Variants in DBH observed in about 807,000 individuals in gnomAD.
DBH encodes the protein dopamine beta-hydroxylase.
A neutral mutation model predicts 64.0 loss-of-function variants in DBH; 49 were observed. That is an observed-to-expected ratio of 0.77 (90% CI 0.61 to 0.97). The LOEUF (loss-of-function observed/expected upper bound fraction) is 0.97. Ranked by LOEUF, DBH falls within the 50% of genes least tolerant of loss-of-function variation. DBH has a pLI of 0.00. For synonymous variants in DBH, 343 were observed against 347.1 expected (o/e 0.99, Z 0.13); for missense variants, 828 against 826.6 (o/e 1.00, Z -0.02).
At chr9:133,654,620 G>A (rs982039973) in intron 9 of DBH, 1 of 152,240 alleles carries the variant, frequency 6.6e-6, no homozygotes, top group African/African-American at 2.4e-5. Flanking sequence ...TCTAGAGGAG[G>A]TGCTCAGTAT....
At chr9:133,638,497 G>A (rs1832077662) in intron 1 of DBH, among the ~76,000 whole-genome samples, 1 of 152,208 alleles carries the variant, frequency 6.6e-6, no homozygotes, top group Admixed American at 6.5e-5. Context: ...AGGCCAGGCA[G>A]GGCAGGGAAG....
intron 2 of DBH, among the ~76,000 whole-genome samples, chr9:133,640,878 A>C (rs909784735): frequency 2.6e-5 from 4 of 152,226 alleles, no homozygotes; most frequent in African/African-American, 9.6e-5. Context: ...TGGGGTTTCC[A>C]TGGGAAAGGC....
intron 9 of DBH, chr9:133,656,320 G>T: frequency 1.6e-6 from 1 of 621,004 alleles, no homozygotes; most frequent in South Asian, 1.9e-5. Flanking sequence ...GAATTTCCTG[G>T]TTGACTCACT....
At chr9:133,654,116 A>ATTTTATTTTATTT (rs10634261) in intron 9 of DBH, among the ~76,000 whole-genome samples, 87 of 151,416 alleles carry the variant, frequency 5.7e-4, no homozygotes, top group African/African-American at 1.9e-3. Context: ...ATTTTATTTT[A>ATTTTATTTTATTT]TATTTTATTT....
chr9:133,640,388 G>C (rs1832104143), intron 2 of DBH, among the ~76,000 whole-genome samples: 1 of 152,036 alleles, frequency 6.6e-6, no homozygotes, highest in Non-Finnish European at 1.5e-5. Context: ...CCTGTTGCCA[G>C]CTCGCTGTGA....
intron 2 of DBH, among the ~76,000 whole-genome samples, chr9:133,641,368 A>G (rs1832114411): frequency 6.6e-6 from 1 of 152,156 alleles, no homozygotes; most frequent in Non-Finnish European, 1.5e-5. Context: ...AAGGGTGAGC[A>G]GAGAACCCTC....
chr9:133,642,468 CGT>C lies in DBH; in HGVS notation c.744+6_744+7del. 1 of 1,603,938 alleles carries C rather than the reference CGT, an allele frequency of 6.2e-7. No homozygotes were observed. The highest frequency in any genetic ancestry group is 8.5e-7 in the Non-Finnish European group (1 of 1,175,394). Reference sequence around the variant, plus strand: ...CTCTCGGCACCACATTATCAAGGTACGTGCGGGTCCAGGGCCGAGGTCCTCGC... The same window carrying C: ...CTCTCGGCACCACATTATCAAGGTACGCGGGTCCAGGGCCGAGGTCCTCGC... On this transcript the variant is annotated splice_donor_5th_base_variant and intron_variant, in intron 3 of 11. Transcript: ENST00000393056.
At chr9:133,645,897 TGAAA>T (rs1832175652) in intron 5 of DBH, among the ~76,000 whole-genome samples, 1 of 152,050 alleles carries the variant, frequency 6.6e-6, no homozygotes, top group Admixed American at 6.6e-5. Flanking sequence ...AAAACTTCCA[TGAAA>T]GGGGTAGGTT....
intron 1 of DBH, among the ~76,000 whole-genome samples, chr9:133,637,159 A>T (rs900325412): frequency 6.6e-6 from 1 of 152,210 alleles, no homozygotes; most frequent in Non-Finnish European, 1.5e-5. Flanking sequence ...TGAGGCCTGC[A>T]CACCCATGGG....
chr9:133,639,455 T>C (rs1320529225), intron 1 of DBH, among the ~76,000 whole-genome samples: 1 of 152,128 alleles, frequency 6.6e-6, no homozygotes, highest in African/African-American at 2.4e-5. Flanking sequence ...GCAGCATTGG[T>C]CTGAGGCATT....
intron 2 of DBH, among the ~76,000 whole-genome samples, chr9:133,640,601 A>G (rs1832106939): frequency 6.6e-6 from 1 of 152,258 alleles, no homozygotes; most frequent in African/African-American, 2.4e-5. Flanking sequence ...CCTTGAAGAC[A>G]AAACTCTTTT....
In DBH at chr9:133,656,482, G is replaced by A. The variant is rs149671302; in HGVS notation, c.1435-41G>A. 567 of 1,613,044 alleles carry A rather than the reference G, an allele frequency of 3.5e-4. 1 individual carries two copies. The African/African-American group carries it at 3.6e-3, about 10-fold the overall frequency. On this transcript the variant is annotated intron_variant, in intron 9 of 11. Transcript: ENST00000393056. ...AAAGCTGCTGGATGGCAGCGTCTGC[G>A]TGGCATGGCCCGGGGCTGACGGGTC...
intron 1 of DBH, among the ~76,000 whole-genome samples, chr9:133,638,663 G>A (rs554974069): frequency 6.6e-6 from 1 of 152,304 alleles, no homozygotes; most frequent in Admixed American, 6.5e-5. Flanking sequence ...GCTTGGTGTG[G>A]GTCGGAATGT....
chr9:133,654,123 A>AT (rs1251927971), intron 9 of DBH, among the ~76,000 whole-genome samples: 28 of 89,866 alleles, frequency 3.1e-4, no homozygotes, highest in East Asian at 4.0e-4. Flanking sequence ...TTTATATTTT[A>AT]TTTTTTTTTG....
chr9:133,650,538 TCTTC>T (rs1832236227), intron 6 of DBH, among the ~76,000 whole-genome samples: 3 of 142,388 alleles, frequency 2.1e-5, no homozygotes, highest in Non-Finnish European at 4.5e-5. Context: ...CTCTTTTCTT[TCTTC>T]CTTCCTTTCT....
chr9:133,650,456 TTTC>T (rs1242579873), intron 6 of DBH, among the ~76,000 whole-genome samples: 9 of 135,034 alleles, frequency 6.7e-5, no homozygotes, highest in African/African-American at 2.1e-4. Context: ...TTTTCTTTCC[TTTC>T]TTTTCTTTTT....
At position 133,658,347 on chromosome 9, in the gene DBH, T is replaced by G. The variant is rs185448265; in HGVS notation, c.1754T>G (p.Val585Gly). ...GEWNLQPLPK[V>G]ISTLEEPTPQ... The stretch of plus-strand genomic sequence containing the variant: ...TGGAACCTGCAGCCCCTGCCCAAGG[T>G]CATCTCCACACTGGAAGAGCCCACC... The change falls in exon 12 of 12, where the codon GTC becomes GGC. Residue 585 changes from valine (V) to glycine (G), a missense_variant. Transcript: ENST00000393056. 42 of 1,613,610 alleles carry G rather than the reference T, an allele frequency of 2.6e-5. No homozygotes were observed. In the East Asian group the frequency reaches 9.1e-4, roughly 35 times the overall value.
In DBH at chr9:133,653,977, G is replaced by C. The variant is rs192867139; in HGVS notation, c.1434+978G>C. On this transcript the variant is annotated intron_variant, in intron 9 of 11. Coordinates refer to ENST00000393056, the MANE Select transcript of DBH (RefSeq NM_000787.4). ...GTGTGGCTCAAGTGGAGCAGACCTG[G>C]GTTACAGCTACCCTGACATCCCTCA... 3.6e-3 allele frequency among the ~76,000 whole-genome samples: 550 copies of C among 152,296 alleles called. 2 individuals carry two copies. The highest frequency in any genetic ancestry group is 0.013 in the African/African-American group (526 of 41,554).
At chr9:133,657,906 A>C (rs1424186571) in intron 11 of DBH, among the ~76,000 whole-genome samples, 2 of 152,228 alleles carry the variant, frequency 1.3e-5, no homozygotes, top group Non-Finnish European at 2.9e-5. Flanking sequence ...AAGGGAAGGA[A>C]GGGCTAATAC....
Sources: gnomAD v4.1 joint callset for allele counts (sites outside exome capture counted in the v4.1 genomes callset) on GRCh38, gnomAD v4.1.1 for gene constraint, MANE v1.5 for transcripts, NCBI Gene and HGNC (gene_info 2026-07-23, HGNC 2026-07-21) for gene names.